Variants in ABL1 observed in about 807,000 individuals in gnomAD.
The protein encoded by ABL1 is tyrosine-protein kinase ABL1.
In ABL1, 11 loss-of-function variants were observed where a neutral mutation model predicts 94.7. The ratio of observed to expected loss-of-function variants is 0.12; its 90% confidence interval spans 0.07 to 0.19. ABL1 has a LOEUF of 0.19. Ranked by LOEUF, ABL1 falls within the 10% of genes least tolerant of loss-of-function variation. The probability of loss-of-function intolerance (pLI) is 1.00; values close to 1 mark genes in which losing one functional copy is unlikely to be tolerated. For synonymous variants in ABL1, 656 were observed against 622.4 expected, an observed-to-expected ratio of 1.05 and a Z score of -0.80; for missense variants, 1,082 against 1,489.4, an observed-to-expected ratio of 0.73 and a Z score of 4.50.
intron 1 of ABL1, among the ~76,000 whole-genome samples, chr9:130,779,864 A>G (rs146137789): frequency 2.0e-5 from 3 of 152,292 alleles, no homozygotes; most frequent in Non-Finnish European, 4.4e-5. Flanking sequence ...CCTGACAGCT[A>G]GCTTGGTTAC....
intron 1 of ABL1, among the ~76,000 whole-genome samples, chr9:130,756,271 G>A (rs1005620471): frequency 3.3e-5 from 5 of 151,950 alleles, no homozygotes; most frequent in East Asian, 1.9e-4. Context: ...TTTCTCATTC[G>A]GTTTTCCTGG....
intron 10 of ABL1, 22 bp from the exon 11 acceptor site, chr9:130,883,947 A>G (rs899147590): frequency 1.3e-6 from 2 of 1,588,420 alleles, no homozygotes; most frequent in African/African-American, 2.7e-5. Context: ...TGGAGTTGTC[A>G]GCTCTTCCCC....
Position 130,725,840 on chromosome 9 carries a change from T to TG in ABL1, c.136+11385_136+11386insG, listed in dbSNP as rs1564269516. On this transcript the variant is annotated intron_variant, in intron 1 of 10. Coordinates refer to the ABL1 transcript ENST00000372348. Reference sequence around the variant, plus strand: ...TGTATGGTGGTTTTTTTTTTTTTTTTTTTTTTTTTTTGAGACAGTCTCACT... The same window carrying TG: ...TGTATGGTGGTTTTTTTTTTTTTTTTGTTTTTTTTTTTGAGACAGTCTCACT... Among the ~76,000 whole-genome samples, 93 of 97,520 alleles carry TG rather than the reference T, an allele frequency of 9.5e-4. 1 individual carries two copies. The highest frequency in any genetic ancestry group is 4.6e-3 in the African/African-American group (82 of 17,694). 64.0% of individuals were successfully genotyped at this position (97,520 alleles called of 152,430 possible).
chr9:130,771,732 T>TTCTC (rs1832253589), intron 1 of ABL1, among the ~76,000 whole-genome samples: 1 of 119,718 alleles, frequency 8.4e-6, no homozygotes, highest in Admixed American at 8.8e-5. Flanking sequence ...TCAAATGACT[T>TTCTC]TTTCTTTCTT....
chr9:130,819,893 A>C (rs1227737286), intron 1 of ABL1, among the ~76,000 whole-genome samples: 1 of 147,986 alleles, frequency 6.8e-6, no homozygotes, highest in South Asian at 2.1e-4. Context: ...TTCTGCTTCT[A>C]CTTTGCTGTG....
intron 1 of ABL1, among the ~76,000 whole-genome samples, chr9:130,759,897 A>G (rs1832088447): frequency 6.7e-6 from 1 of 149,780 alleles, no homozygotes; most frequent in South Asian, 2.1e-4. Context: ...GGCTCAAGTG[A>G]TTGTCCCATC....
intron 1 of ABL1, among the ~76,000 whole-genome samples, chr9:130,755,895 G>C (rs1832035814): frequency 6.6e-6 from 1 of 152,194 alleles, no homozygotes; most frequent in African/African-American, 2.4e-5. Flanking sequence ...CGAGGACACA[G>C]CTCAGGGCCT....
At chr9:130,727,468 A>G (rs1299053237) in intron 1 of ABL1, among the ~76,000 whole-genome samples, 1 of 152,034 alleles carries the variant, frequency 6.6e-6, no homozygotes, top group Non-Finnish European at 1.5e-5. Context: ...TTTACTCTTA[A>G]AAGCATTTAT....
intron 1 of ABL1, among the ~76,000 whole-genome samples, chr9:130,716,296 C>T (rs1588207974): frequency 6.6e-6 from 1 of 151,946 alleles, no homozygotes; most frequent in South Asian, 2.1e-4. Context: ...GGGGTTTCGC[C>T]ATGTTGGCCA....
chr9:130,786,429 A>C (rs1564289716), intron 1 of ABL1, among the ~76,000 whole-genome samples: 1 of 152,192 alleles, frequency 6.6e-6, no homozygotes, highest in Non-Finnish European at 1.5e-5. Flanking sequence ...CAAATAGATG[A>C]ATACAGAATC....
intron 1 of ABL1, among the ~76,000 whole-genome samples, chr9:130,732,778 T>G (rs76379758): frequency 2.8e-5 from 1 of 36,342 alleles, no homozygotes; most frequent in South Asian, 1.2e-3. Context: ...AGGCACAGTG[T>G]TTTTTTTTTT....
chr9:130,714,433 C>A (rs145422178), exon 1 of ABL1: 1 of 1,614,186 alleles, frequency 6.2e-7, no homozygotes, highest in Non-Finnish European at 8.5e-7. Context: ...GGGGTCCACA[C>A]TGCAATGTTT....
chr9:130,801,462 G>A (rs1830053649), intron 1 of ABL1, among the ~76,000 whole-genome samples: 2 of 152,134 alleles, frequency 1.3e-5, no homozygotes, highest in South Asian at 4.1e-4. Flanking sequence ...TCTTGACCTC[G>A]TGATCTGCCT....
At chr9:130,739,653 C>G (rs1301578026) in intron 1 of ABL1, among the ~76,000 whole-genome samples, 1 of 152,162 alleles carries the variant, frequency 6.6e-6, no homozygotes, top group African/African-American at 2.4e-5. Context: ...TCTATTGCTT[C>G]CACATCAGGA....
chr9:130,746,605 AAC>A (rs1219850289), intron 1 of ABL1, among the ~76,000 whole-genome samples: 1 of 151,544 alleles, frequency 6.6e-6, no homozygotes, highest in Non-Finnish European at 1.5e-5. Flanking sequence ...TGCATGTGAC[AAC>A]AGTTTGTTCC....
intron 3 of ABL1, 75 bp downstream of exon 3, chr9:130,855,171 A>G: frequency 6.8e-7 from 1 of 1,476,708 alleles, no homozygotes; most frequent in Non-Finnish European, 9.1e-7. Context: ...GGATTGATAA[A>G]TTATTGCAAG....
At chr9:130,797,936 T>G (rs1302821177) in intron 1 of ABL1, among the ~76,000 whole-genome samples, 1 of 152,116 alleles carries the variant, frequency 6.6e-6, no homozygotes, top group Non-Finnish European at 1.5e-5. Flanking sequence ...GCCCCATGTC[T>G]TTTCACTTTT....
intron 1 of ABL1, among the ~76,000 whole-genome samples, chr9:130,750,410 TCCC>T (rs1831946067): frequency 6.9e-5 from 1 of 14,538 alleles, no homozygotes; most frequent in African/African-American, 2.3e-4. Context: ...CCTCCCTCCC[TCCC>T]TCCCTCCCTC....
chr9:130,855,232 C>A, intron 3 of ABL1, 136 bp downstream of exon 3: 1 of 1,020,502 alleles, frequency 9.8e-7, no homozygotes, highest in Non-Finnish European at 1.4e-6. Context: ...GGAGTCATTC[C>A]ATTAGCCTTA....
Sources: gnomAD v4.1 joint callset for allele counts (sites outside exome capture counted in the v4.1 genomes callset) on GRCh38, gnomAD v4.1.1 for gene constraint, MANE v1.5 for transcripts, NCBI Gene and HGNC (gene_info 2026-07-23, HGNC 2026-07-21) for gene names.